Variants in ZBTB20 observed in about 807,000 individuals in gnomAD.
The protein encoded by ZBTB20 is zinc finger and BTB domain-containing protein 20.
A neutral mutation model predicts 56.9 loss-of-function variants in ZBTB20; 9 were observed. That is an observed-to-expected ratio of 0.16 (90% CI 0.10 to 0.28). The LOEUF is 0.28. Ranked by LOEUF, ZBTB20 falls within the 10% of genes least tolerant of loss-of-function variation. The pLI is 1.00. For synonymous variants in ZBTB20, 417 were observed against 420.7 expected, an observed-to-expected ratio of 0.99 and a Z score of 0.11; for missense variants, 655 against 1,003.0, an observed-to-expected ratio of 0.65 and a Z score of 4.69.
At chr3:114,685,306 G>C (rs1167926897) in intron 6 of ZBTB20, among the ~76,000 whole-genome samples, 2 of 152,128 alleles carry the variant, frequency 1.3e-5, no homozygotes, top group East Asian at 3.9e-4. Context: ...AAGTGATTAG[G>C]CATCAGCAGG....
chr3:114,925,597 G>A (rs1025618711), intron 3 of ZBTB20, among the ~76,000 whole-genome samples: 1 of 152,036 alleles, frequency 6.6e-6, no homozygotes, highest in Non-Finnish European at 1.5e-5. Context: ...CACGATCTTG[G>A]TTCACTGCAA....
chr3:114,951,316 A>C (rs181482910), intron 3 of ZBTB20, among the ~76,000 whole-genome samples: 2 of 152,200 alleles, frequency 1.3e-5, no homozygotes, highest in Admixed American at 1.3e-4. Context: ...ATATGAGGTA[A>C]ATAAAGCCCC....
At chr3:115,044,937 T>C (rs1576638848) in intron 2 of ZBTB20, among the ~76,000 whole-genome samples, 2 of 152,344 alleles carry the variant, frequency 1.3e-5, no homozygotes, top group East Asian at 3.9e-4. Context: ...TGATCTGCAC[T>C]GGTAAAACCT....
At chr3:114,696,833 G>A (rs948088910) in intron 5 of ZBTB20, among the ~76,000 whole-genome samples, 26 of 152,082 alleles carry the variant, frequency 1.7e-4, no homozygotes, top group African/African-American at 5.8e-4. Flanking sequence ...GAAAGAGAGA[G>A]ATTTATTGTA....
Position 114,380,208 on chromosome 3 carries a change from T to C in ZBTB20, c.199+9A>G. 6.5e-7 allele frequency: 1 copy of C among 1,534,088 alleles called. No homozygotes were observed. Among genetic ancestry groups the C allele is most frequent in the Non-Finnish European group, 8.7e-7 (1 of 1,145,222 alleles). ...TGCAAAGACACCATCACCTTAGTGGTGTACTCACAATCAGATGACCCGGTG... is the reference window on the plus strand; with the variant it reads ...TGCAAAGACACCATCACCTTAGTGGCGTACTCACAATCAGATGACCCGGTG... On this transcript the variant is annotated intron_variant, in intron 10 of 11. Coordinates refer to ENST00000675478, the MANE Select transcript of ZBTB20 (RefSeq NM_001348800.3).
intron 5 of ZBTB20, among the ~76,000 whole-genome samples, chr3:114,778,874 T>C (rs2069841998): frequency 6.6e-6 from 1 of 152,164 alleles, no homozygotes; most frequent in Non-Finnish European, 1.5e-5. Flanking sequence ...AGTCTATTTT[T>C]AAATAAAATT....
chr3:115,026,204 A>T (rs2080416252), intron 2 of ZBTB20, among the ~76,000 whole-genome samples: 1 of 151,004 alleles, frequency 6.6e-6, no homozygotes, highest in South Asian at 2.1e-4. Context: ...GGTAAGGTCC[A>T]TTTTGACTAG....
At chr3:114,391,569 T>C (rs564699529) in intron 7 of ZBTB20, among the ~76,000 whole-genome samples, 1 of 152,368 alleles carries the variant, frequency 6.6e-6, no homozygotes, top group South Asian at 2.1e-4. Flanking sequence ...TAATTTGTCT[T>C]CCTTCTTCAT....
chr3:115,055,187 A>ATATCTCTCTCTC (rs374725671), intron 2 of ZBTB20, among the ~76,000 whole-genome samples: 7 of 103,142 alleles, frequency 6.8e-5, no homozygotes, highest in African/African-American at 2.8e-4. Context: ...CCTCCTGGTA[A>ATATCTCTCTCTC]TCTCTCTCTC....
At chr3:114,862,059 A>G (rs1431045021) in intron 4 of ZBTB20, among the ~76,000 whole-genome samples, 2 of 152,186 alleles carry the variant, frequency 1.3e-5, no homozygotes, top group Non-Finnish European at 2.9e-5. Flanking sequence ...GTGGCATACA[A>G]CTTTAAAAAT....
In ZBTB20 at chr3:114,870,785, C is replaced by G. The variant is rs536311212; in HGVS notation, c.-417+29519G>C. 5.3e-5 allele frequency among the ~76,000 whole-genome samples: 8 copies of G among 152,232 alleles called. No individual in the cohort carries two copies. In the East Asian group the frequency reaches 7.7e-4, roughly 15 times the overall value. On this transcript the variant is annotated intron_variant, in intron 4 of 11. Coordinates refer to ENST00000675478, the MANE Select transcript of ZBTB20 (RefSeq NM_001348800.3). ...ACTTTATTCTCCACATGGACAACCACTTTGCATCAAAAGTCTCTCTCTACC... is the reference window on the plus strand; with the variant it reads ...ACTTTATTCTCCACATGGACAACCAGTTTGCATCAAAAGTCTCTCTCTACC...
chr3:114,847,934 C>T (rs1384522586), intron 4 of ZBTB20, among the ~76,000 whole-genome samples: 1 of 152,152 alleles, frequency 6.6e-6, no homozygotes, highest in East Asian at 1.9e-4. Flanking sequence ...TACTTTCTAG[C>T]TTTCAGGAAG....
At chr3:114,601,497 A>G (rs542728208) in intron 6 of ZBTB20, among the ~76,000 whole-genome samples, 89 of 152,084 alleles carry the variant, frequency 5.9e-4, no homozygotes, top group Non-Finnish European at 9.6e-4. Flanking sequence ...TTGAATTTCT[A>G]AAGATAAGAA....
chr3:114,552,387 G>C (rs1395663149), intron 6 of ZBTB20, among the ~76,000 whole-genome samples: 3 of 151,720 alleles, frequency 2.0e-5, no homozygotes, highest in African/African-American at 7.3e-5. Flanking sequence ...ACAAAATCAA[G>C]GACAGTGACA....
chr3:114,392,474 C>G (rs1164620766), intron 7 of ZBTB20, among the ~76,000 whole-genome samples: 2 of 152,076 alleles, frequency 1.3e-5, no homozygotes, highest in Non-Finnish European at 2.9e-5. Flanking sequence ...TAAACTCAGG[C>G]TGAAAATAAG....
intron 2 of ZBTB20, among the ~76,000 whole-genome samples, chr3:114,974,897 C>T (rs1024043763): frequency 2.0e-5 from 3 of 151,882 alleles, no homozygotes; most frequent in Non-Finnish European, 4.4e-5. Context: ...GAGATATTTG[C>T]ATAAACTCAG....
intron 8 of ZBTB20, among the ~76,000 whole-genome samples, chr3:114,383,958 C>T (rs2084711400): frequency 6.6e-6 from 1 of 152,166 alleles, no homozygotes; most frequent in Non-Finnish European, 1.5e-5. Context: ...TTCCCTGGAG[C>T]CTTTAGAGGG....
chr3:114,360,358 T>TTTTTGAGAC (rs1553798291), intron 10 of ZBTB20, among the ~76,000 whole-genome samples: 1,758 of 150,622 alleles, frequency 0.012, 21 homozygotes, highest in Non-Finnish European at 0.015. Context: ...TTTTTTTTTT[T>TTTTTGAGAC]TTTGAGACGG....
chr3:115,003,430 T>C (rs1378926026), intron 2 of ZBTB20, among the ~76,000 whole-genome samples: 3 of 151,480 alleles, frequency 2.0e-5, no homozygotes, highest in African/African-American at 7.3e-5. Context: ...TGTTTGTTTT[T>C]TGTTTGTTTG....
Sources: allele counts gnomAD v4.1 joint callset (sites outside exome capture counted in the v4.1 genomes callset), GRCh38; gene constraint gnomAD v4.1.1; transcripts MANE v1.5; gene names NCBI Gene and HGNC (gene_info 2026-07-23, HGNC 2026-07-21).